Variants in AFG2A observed in about 807,000 individuals in gnomAD.
The protein encoded by AFG2A is ATPase family gene 2 protein homolog A.
At chr4:122,987,143 T>C in the AFG2A span, among the ~76,000 whole-genome samples, 1 of 152,132 alleles carries the variant, frequency 6.6e-6, no homozygotes, top group Non-Finnish European at 1.5e-5. Flanking sequence ...CCCTGCTCTA[T>C]TTTGATTGCT....
At chr4:122,949,632 G>C in the AFG2A span, among the ~76,000 whole-genome samples, 1 of 152,162 alleles carries the variant, frequency 6.6e-6, no homozygotes, top group African/African-American at 2.4e-5. Flanking sequence ...GACAAGTCCT[G>C]GCCATTTAAC....
chr4:123,083,943 G>A, the AFG2A span, among the ~76,000 whole-genome samples: 1 of 151,988 alleles, frequency 6.6e-6, no homozygotes, highest in South Asian at 2.1e-4. Context: ...TCTGGGTTTT[G>A]TGCTTTCTGT....
the AFG2A span, among the ~76,000 whole-genome samples, chr4:123,185,593 C>G: frequency 1.3e-5 from 2 of 152,100 alleles, no homozygotes; most frequent in Non-Finnish European, 2.9e-5. Flanking sequence ...GCTACTTTAT[C>G]TTACTTCACA....
chr4:123,166,631 G>C, the AFG2A span, among the ~76,000 whole-genome samples: 1 of 152,102 alleles, frequency 6.6e-6, no homozygotes, highest in Non-Finnish European at 1.5e-5. Context: ...GATTTCGTTG[G>C]TTATATACTC....
the AFG2A span, chr4:123,090,493 A>G: frequency 6.9e-7 from 1 of 1,445,842 alleles, no homozygotes; most frequent in Non-Finnish European, 9.4e-7. Flanking sequence ...TTCTCTTGTT[A>G]TAGACTATAG....
At chr4:122,991,578 AT>A in the AFG2A span, among the ~76,000 whole-genome samples, 3 of 152,220 alleles carry the variant, frequency 2.0e-5, no homozygotes, top group African/African-American at 4.8e-5. Context: ...GTAATTAACT[AT>A]CAAAAGCTAA....
At chr4:123,248,629 G>A in the AFG2A span, among the ~76,000 whole-genome samples, 3 of 152,284 alleles carry the variant, frequency 2.0e-5, no homozygotes, top group South Asian at 2.1e-4. Context: ...ATTAGGAAAG[G>A]GTTATGAATT....
the AFG2A span, among the ~76,000 whole-genome samples, chr4:122,995,207 T>C: frequency 0.012 from 1,838 of 152,258 alleles, 41 homozygotes; most frequent in African/African-American, 0.041. Context: ...GTTTCTATGA[T>C]GCTTTATTAA....
At chr4:122,939,735 C>T in the AFG2A span, among the ~76,000 whole-genome samples, 1 of 151,964 alleles carries the variant, frequency 6.6e-6, no homozygotes, top group Non-Finnish European at 1.5e-5. Flanking sequence ...CACCCATTAA[C>T]TCGTCGTTTA....
chr4:123,090,064 C>T, the AFG2A span, among the ~76,000 whole-genome samples: 1 of 152,130 alleles, frequency 6.6e-6, no homozygotes, highest in South Asian at 2.1e-4. Flanking sequence ...GATTACCTAC[C>T]TTCTGATGTG....
the AFG2A span, among the ~76,000 whole-genome samples, chr4:123,115,480 GC>G: frequency 6.6e-6 from 1 of 152,044 alleles, no homozygotes; most frequent in Non-Finnish European, 1.5e-5. Flanking sequence ...CTGAAGTACG[GC>G]CCCACTGTGC....
At chr4:123,012,354 AGAAG>A in the AFG2A span, among the ~76,000 whole-genome samples, 1 of 123,190 alleles carries the variant, frequency 8.1e-6, no homozygotes, top group East Asian at 2.5e-4. Flanking sequence ...GAAAGTGGAG[AGAAG>A]GAAGGGTAGA....
At chr4:123,152,049 T>A in the AFG2A span, among the ~76,000 whole-genome samples, 2 of 152,010 alleles carry the variant, frequency 1.3e-5, no homozygotes, top group Non-Finnish European at 2.9e-5. Context: ...ACACCTCACA[T>A]TCTCATTCAT....
At chr4:123,043,614 A>G in the AFG2A span, among the ~76,000 whole-genome samples, 1 of 152,218 alleles carries the variant, frequency 6.6e-6, no homozygotes, top group African/African-American at 2.4e-5. Context: ...CTGGGAAATT[A>G]ATCATATCAG....
chr4:122,931,249 AG>A, the AFG2A span, among the ~76,000 whole-genome samples: 1 of 152,178 alleles, frequency 6.6e-6, no homozygotes, highest in Non-Finnish European at 1.5e-5. Flanking sequence ...TAAGCATTTA[AG>A]GAGATACATG....
At chr4:123,112,554 T>G in the AFG2A span, among the ~76,000 whole-genome samples, 430 of 152,334 alleles carry the variant, frequency 2.8e-3, 1 homozygote, top group African/African-American at 9.6e-3. Flanking sequence ...GCTTCCTTCT[T>G]TCACATATCA....
chr4:123,130,209 GTC>G, the AFG2A span, among the ~76,000 whole-genome samples: 2 of 151,942 alleles, frequency 1.3e-5, no homozygotes, highest in Non-Finnish European at 2.9e-5. Flanking sequence ...TAGATATGAG[GTC>G]TCTCTATGTT....
the AFG2A span, among the ~76,000 whole-genome samples, chr4:123,196,006 G>GTT: frequency 7.0e-6 from 1 of 142,626 alleles, no homozygotes; most frequent in Admixed American, 7.0e-5. Context: ...TACCATCCTT[G>GTT]TTTTTTTTTT....
At chr4:122,964,471 T>G in the AFG2A span, among the ~76,000 whole-genome samples, 2 of 149,276 alleles carry the variant, frequency 1.3e-5, no homozygotes, top group Admixed American at 1.3e-4. Flanking sequence ...GGCACTGCAC[T>G]TCAGCCTGGG....
Sources: gnomAD v4.1 joint callset for allele counts (sites outside exome capture counted in the v4.1 genomes callset) on GRCh38, gnomAD v4.1.1 for gene constraint, MANE v1.5 for transcripts, NCBI Gene and HGNC (gene_info 2026-07-23, HGNC 2026-07-21) for gene names.